Variants in CMIP observed in about 807,000 individuals in gnomAD.
CMIP encodes the protein c-Maf inducing protein.
CMIP carries 13 observed loss-of-function variants against 97.3 expected under a neutral mutation model. That is an observed-to-expected ratio of 0.13 (90% confidence interval 0.09 to 0.21). CMIP has a LOEUF of 0.21. Ranked by LOEUF, CMIP falls within the 10% of genes least tolerant of loss-of-function variation. The pLI, the probability that CMIP is intolerant of heterozygous loss-of-function variation, is 1.00. For synonymous variants in CMIP, 538 were observed against 436.3 expected, an observed-to-expected ratio of 1.23 and a Z score of -2.91; for missense variants, 847 against 1,024.9, an observed-to-expected ratio of 0.83 and a Z score of 2.37.
chr16:81,530,223 A>G (rs1055039847), intron 1 of CMIP, among the ~76,000 whole-genome samples: 2 of 152,210 alleles, frequency 1.3e-5, no homozygotes, highest in Admixed American at 6.5e-5. Flanking sequence ...CCCACGTCTT[A>G]TGAGGCTCCA....
intron 1 of CMIP, among the ~76,000 whole-genome samples, chr16:81,448,083 C>G (rs1250025196): frequency 1.3e-5 from 2 of 152,234 alleles, no homozygotes; most frequent in African/African-American, 4.8e-5. Context: ...AACAAAAACC[C>G]TTTGCAGTCC....
At chr16:81,531,658 G>A (rs1380887305) in intron 1 of CMIP, among the ~76,000 whole-genome samples, 6 of 152,196 alleles carry the variant, frequency 3.9e-5, no homozygotes, top group East Asian at 3.9e-4. Context: ...CCTGCCGCCC[G>A]ACCTTTGCTT....
At chr16:81,664,712 T>G in intron 7 of CMIP, 1 of 446,198 alleles carries the variant, frequency 2.2e-6, no homozygotes, top group East Asian at 3.4e-5. Context: ...GCGAGGTCCT[T>G]CCAGAGAGCA....
At chr16:81,452,885 GTTTTTTTTTT>G (rs558606255) in intron 1 of CMIP, among the ~76,000 whole-genome samples, 1 of 129,242 alleles carries the variant, frequency 7.7e-6, no homozygotes, top group Admixed American at 7.9e-5. Context: ...TTTTTGTTTT[GTTTTTTTTTT>G]TTTTTTTTTG....
chr16:81,628,127 G>T (rs2150969961), intron 3 of CMIP, among the ~76,000 whole-genome samples: 1 of 152,270 alleles, frequency 6.6e-6, no homozygotes, highest in East Asian at 1.9e-4. Context: ...TACAAAAGGG[G>T]AAATCCTGAG....
At chr16:81,639,330 A>T (rs1271695334) in intron 3 of CMIP, among the ~76,000 whole-genome samples, 1 of 152,240 alleles carries the variant, frequency 6.6e-6, no homozygotes, top group Non-Finnish European at 1.5e-5. Flanking sequence ...TCAGTGGTTC[A>T]TTCACGTTGC....
intron 1 of CMIP, among the ~76,000 whole-genome samples, chr16:81,451,615 C>T (rs1285689262): frequency 1.3e-5 from 2 of 152,180 alleles, no homozygotes; most frequent in African/African-American, 4.8e-5. Flanking sequence ...TTATTGCTAC[C>T]TGGAGTCATG....
rs189244783 is a variant in CMIP, at chr16:81,549,572, C to T, written c.301-57995C>T. 2.0e-4 allele frequency among the ~76,000 whole-genome samples: 30 copies of T among 152,228 alleles called. No individual in the cohort carries two copies. The East Asian group carries it at 4.2e-3, about 22-fold the overall frequency. ...CGGGGGGCGGAGGATATTGAAGAAG[C>T]GGCCCTGAGTGAAATGCCAGTGGTC... On this transcript the variant is annotated intron_variant, in intron 1 of 20. Transcript: ENST00000537098.
chr16:81,672,126 C>T, intron 9 of CMIP, 56 bp downstream of exon 9: 1 of 1,031,192 alleles, frequency 9.7e-7, no homozygotes. Flanking sequence ...ACTGCCACCC[C>T]CATCATGGGC....
intron 2 of CMIP, among the ~76,000 whole-genome samples, chr16:81,615,360 G>T (rs2091899830): frequency 2.0e-5 from 3 of 147,784 alleles, no homozygotes; most frequent in Admixed American, 2.0e-4. Flanking sequence ...TGGTATGTGT[G>T]CATGTGTAAC....
At chr16:81,469,690 A>G (rs1907409398) in intron 1 of CMIP, among the ~76,000 whole-genome samples, 1 of 152,224 alleles carries the variant, frequency 6.6e-6, no homozygotes, top group African/African-American at 2.4e-5. Context: ...CAGAGAACTC[A>G]CTATGTGTGA....
chr16:81,663,210 A>G (rs1437933376), intron 6 of CMIP, among the ~76,000 whole-genome samples: 1 of 152,118 alleles, frequency 6.6e-6, no homozygotes, highest in African/African-American at 2.4e-5. Flanking sequence ...AGCTGTATTC[A>G]TGACTACCAG....
intron 1 of CMIP, among the ~76,000 whole-genome samples, chr16:81,480,275 C>T (rs1908178102): frequency 6.6e-6 from 1 of 152,216 alleles, no homozygotes; most frequent in Admixed American, 6.5e-5. Context: ...CGTGGTGGCT[C>T]ACGCCTGTAA....
intron 1 of CMIP, among the ~76,000 whole-genome samples, chr16:81,452,723 G>A (rs957499467): frequency 6.6e-6 from 1 of 152,086 alleles, no homozygotes; most frequent in African/African-American, 2.4e-5. Context: ...ATGATTGTCA[G>A]TTTCCTTCCT....
intron 1 of CMIP, among the ~76,000 whole-genome samples, chr16:81,461,920 G>C (rs1166115213): frequency 1.3e-5 from 2 of 152,216 alleles, no homozygotes; most frequent in Non-Finnish European, 2.9e-5. Flanking sequence ...CACCGTTCTA[G>C]GCATTGCGTG....
At chr16:81,683,326 C>T (rs1340722246) in intron 10 of CMIP, among the ~76,000 whole-genome samples, 1 of 152,122 alleles carries the variant, frequency 6.6e-6, no homozygotes, top group Non-Finnish European at 1.5e-5. Flanking sequence ...TTTTAAGAGG[C>T]CTTGGTGGGC....
intron 1 of CMIP, among the ~76,000 whole-genome samples, chr16:81,454,997 T>C (rs1906457071): frequency 6.6e-6 from 1 of 151,870 alleles, no homozygotes; most frequent in African/African-American, 2.4e-5. Context: ...TTTTATGGGG[T>C]GGACACCGTA....
chr16:81,462,428 A>G (rs949997520), intron 1 of CMIP, among the ~76,000 whole-genome samples: 6 of 152,214 alleles, frequency 3.9e-5, no homozygotes, highest in South Asian at 2.1e-4. Context: ...CTCTAGGGCA[A>G]TAAACCAGGC....
chr16:81,628,081 C>A (rs933178141), intron 3 of CMIP, among the ~76,000 whole-genome samples: 4 of 152,142 alleles, frequency 2.6e-5, no homozygotes, highest in African/African-American at 9.7e-5. Context: ...CCTCCCCTGA[C>A]CCCTCACTGA....
Sources: allele counts gnomAD v4.1 joint callset (sites outside exome capture counted in the v4.1 genomes callset), GRCh38; gene constraint gnomAD v4.1.1; transcripts MANE v1.5; gene names NCBI Gene and HGNC (gene_info 2026-07-23, HGNC 2026-07-21).